TAF1: variants seen among roughly 807,000 people sequenced by gnomAD.
The protein encoded by TAF1 is TATA-box binding protein associated factor 1, also known as transcription initiation factor TFIID subunit 1.
TAF1 carries 2 observed loss-of-function variants against 138.5 expected under a neutral mutation model. That is an observed-to-expected ratio of 0.01 (90% CI 0.01 to 0.05). The LOEUF is 0.05. Among genes scored for constraint, TAF1 ranks in the 10% least tolerant of loss-of-function variants. TAF1 has a pLI of 1.00. For synonymous variants in TAF1, 437 were observed against 503.2 expected (o/e 0.87, Z 1.76); for missense variants, 709 against 1,478.0 (o/e 0.48, Z 8.53).
chrX:71,508,123 T>G (rs1040115655), intron 13 of TAF1, among the ~76,000 whole-genome samples: 5 of 104,494 alleles, frequency 4.8e-5, no homozygotes, highest in African/African-American at 1.8e-4. Context: ...TGAATTTAGA[T>G]CTTATCTTCC....
intron 13 of TAF1, among the ~76,000 whole-genome samples, chrX:71,495,321 C>T: frequency 9.0e-6 from 1 of 111,338 alleles, no homozygotes; most frequent in Non-Finnish European, 1.9e-5. Flanking sequence ...GGCCTCGATC[C>T]TAGAGGAAAC....
At chrX:71,410,895 G>C (rs983980344) in intron 28 of TAF1, among the ~76,000 whole-genome samples, 5 of 111,547 alleles carry the variant, frequency 4.5e-5, no homozygotes, top group African/African-American at 1.6e-4. Context: ...CGATTCTCCT[G>C]CCTCACCCTC....
intron 13 of TAF1, among the ~76,000 whole-genome samples, chrX:71,513,327 AG>A (rs1474749288): frequency 8.9e-6 from 1 of 111,915 alleles, no homozygotes; most frequent in Non-Finnish European, 1.9e-5. Flanking sequence ...GACCTTGAAC[AG>A]GAAGATGGAA....
intron 32 of TAF1, chrX:71,441,733 A>T: frequency 3.7e-6 from 1 of 267,028 alleles, no homozygotes; most frequent in Non-Finnish European, 6.9e-6. Flanking sequence ...TTTGTTAAAT[A>T]TATATACATG....
chrX:71,486,057 C>T (rs1046456066), intron 13 of TAF1, among the ~76,000 whole-genome samples: 1 of 109,265 alleles, frequency 9.2e-6, no homozygotes, highest in Non-Finnish European at 1.9e-5. Flanking sequence ...CTCACTGCAC[C>T]CTCCACCTCC....
chrX:71,442,158 T>C (rs1224805891), intron 32 of TAF1, among the ~76,000 whole-genome samples: 1 of 112,367 alleles, frequency 8.9e-6, no homozygotes, highest in Admixed American at 9.4e-5. Flanking sequence ...CAGCATGATT[T>C]ATAATCCTTT....
intron 14 of TAF1, among the ~76,000 whole-genome samples, chrX:71,385,391 T>C (rs1010165383): frequency 8.9e-6 from 1 of 111,962 alleles, no homozygotes; most frequent in Non-Finnish European, 1.9e-5. Context: ...TTGATAACAT[T>C]TTGATCACAT....
intron 13 of TAF1, chrX:71,484,804 ATTAC>A (rs1316953175): frequency 8.9e-6 from 1 of 111,807 alleles, no homozygotes; most frequent in African/African-American, 3.3e-5. Context: ...TGATGGAGCT[ATTAC>A]TTGCAAGACT....
At chrX:71,460,224 TAGTG>T (rs1209628054) in intron 36 of TAF1, among the ~76,000 whole-genome samples, 3 of 111,765 alleles carry the variant, frequency 2.7e-5, no homozygotes, top group African/African-American at 9.8e-5. Flanking sequence ...TTAGGCAACA[TAGTG>T]AGACTCTGTC....
At chrX:71,493,491 C>G (rs2039337349) in intron 13 of TAF1, among the ~76,000 whole-genome samples, 1 of 112,759 alleles carries the variant, frequency 8.9e-6, no homozygotes, top group African/African-American at 3.2e-5. Flanking sequence ...GCTGTTGTAT[C>G]TTTCCTGCTC....
chrX:71,500,495 A>C (rs1362197919), intron 13 of TAF1, among the ~76,000 whole-genome samples: 1 of 109,403 alleles, frequency 9.1e-6, no homozygotes, highest in Non-Finnish European at 1.9e-5. Context: ...TGAAAGAAAA[A>C]ACCACCCATG....
At chrX:71,393,602 C>T in intron 21 of TAF1, 126 bp downstream of exon 21, 1 of 934,966 alleles carries the variant, frequency 1.1e-6, no homozygotes, top group Non-Finnish European at 1.4e-6. Context: ...TCTGACATGT[C>T]AGGGTAGTAT....
In TAF1 at chrX:71,419,671, A is replaced by G. The variant is rs375629592; in HGVS notation, c.4385-1638A>G. On this transcript the variant is annotated intron_variant, in intron 28 of 37. Transcript: ENST00000423759. The stretch of plus-strand genomic sequence containing the variant: ...AGGACTGTGAAAGGTTAGAAGACGG[A>G]GGGAAGGTGACAAGCAGAACAGTTT... 3.7e-3 allele frequency among the ~76,000 whole-genome samples: 418 copies of G among 111,723 alleles called. 4 individuals are homozygous for G. The highest frequency in any genetic ancestry group is 0.013 in the African/African-American group (389 of 30,768).
chrX:71,437,684 T>C (rs1277564288), intron 32 of TAF1, among the ~76,000 whole-genome samples: 1 of 108,718 alleles, frequency 9.2e-6, no homozygotes, highest in African/African-American at 3.3e-5. Flanking sequence ...AATATTTCCA[T>C]ATGAAAGTTA....
chrX:71,373,143 G>A (rs2033207217), intron 3 of TAF1, among the ~76,000 whole-genome samples: 1 of 106,766 alleles, frequency 9.4e-6, no homozygotes, highest in Non-Finnish European at 1.9e-5. Flanking sequence ...TGGGATTACA[G>A]GCGTGAGCCT....
intron 13 of TAF1, among the ~76,000 whole-genome samples, chrX:71,472,509 A>G (rs1388571671): frequency 9.0e-6 from 1 of 111,115 alleles, no homozygotes; most frequent in Non-Finnish European, 1.9e-5. Flanking sequence ...AGGTGGGCGA[A>G]TCTCTTGAGG....
At chrX:71,493,297 G>A (rs1372968130) in intron 13 of TAF1, among the ~76,000 whole-genome samples, 3 of 112,208 alleles carry the variant, frequency 2.7e-5, no homozygotes, top group East Asian at 5.6e-4. Flanking sequence ...ACAGGCGTGA[G>A]CTAACTCTTA....
chrX:71,495,915 C>T (rs993718030), intron 13 of TAF1, among the ~76,000 whole-genome samples: 4 of 111,970 alleles, frequency 3.6e-5, no homozygotes, highest in Non-Finnish European at 7.5e-5. Flanking sequence ...GCAAACTTTA[C>T]TTTTGTTGAA....
intron 16 of TAF1, 133 bp downstream of exon 16, chrX:71,388,511 A>G: frequency 1.0e-6 from 1 of 1,004,000 alleles, no homozygotes; most frequent in South Asian, 2.5e-5. Context: ...CAGATCTTCT[A>G]ACACTCTGGT....
Sources: gnomAD v4.1 joint callset for allele counts (sites outside exome capture counted in the v4.1 genomes callset) on GRCh38, gnomAD v4.1.1 for gene constraint, MANE v1.5 for transcripts, NCBI Gene and HGNC (gene_info 2026-07-23, HGNC 2026-07-21) for gene names.